Variants in CSMD1 observed in about 807,000 individuals in gnomAD.
The protein encoded by CSMD1 is CUB and Sushi multiple domains 1.
CSMD1 carries 213 observed loss-of-function variants against 417.5 expected under a neutral mutation model. The ratio of observed to expected loss-of-function variants is 0.51; its 90% CI spans 0.46 to 0.57. The LOEUF (loss-of-function observed/expected upper bound fraction) is 0.57, where lower values mean the gene tolerates loss of function less well. Ranked by LOEUF, CSMD1 falls within the 20% of genes least tolerant of loss-of-function variation. The pLI is 0.00. For synonymous variants in CSMD1, 2,862 were observed against 1,736.8 expected, an observed-to-expected ratio of 1.65 and a Z score of -16.11; for missense variants, 6,923 against 4,529.7, an observed-to-expected ratio of 1.53 and a Z score of -15.17.
intron 3 of CSMD1, among the ~76,000 whole-genome samples, chr8:4,256,484 G>A (rs1803463308): frequency 6.6e-6 from 1 of 152,162 alleles, no homozygotes; most frequent in African/African-American, 2.4e-5. Flanking sequence ...ACTGGTAAAG[G>A]GAGGTTCTCA....
intron 3 of CSMD1, among the ~76,000 whole-genome samples, chr8:4,147,799 G>T (rs1017980245): frequency 6.6e-6 from 1 of 152,044 alleles, no homozygotes; most frequent in Non-Finnish European, 1.5e-5. Flanking sequence ...CCAATGTGCC[G>T]ACTCCAAAGC....
At chr8:4,199,267 T>G (rs1006384230) in intron 3 of CSMD1, among the ~76,000 whole-genome samples, 4 of 152,216 alleles carry the variant, frequency 2.6e-5, no homozygotes, top group African/African-American at 9.6e-5. Context: ...AATTCATACA[T>G]CTTCTGCTAT....
intron 1 of CSMD1, among the ~76,000 whole-genome samples, chr8:4,755,478 C>T (rs1050710176): frequency 2.0e-5 from 3 of 152,024 alleles, no homozygotes; most frequent in Non-Finnish European, 4.4e-5. Context: ...CTATGATTGA[C>T]ATTTATTTTT....
intron 7 of CSMD1, among the ~76,000 whole-genome samples, chr8:3,636,367 G>A (rs985659569): frequency 6.6e-6 from 1 of 152,138 alleles, no homozygotes; most frequent in African/African-American, 2.4e-5. Context: ...TAGTAGAGAT[G>A]AGGGTTCTCC....
chr8:3,552,951 G>A lies in CSMD1; in HGVS notation c.1344+21994C>T, dbSNP rs530123804. Among the ~76,000 whole-genome samples, 5 of 152,186 alleles carry A rather than the reference G, an allele frequency of 3.3e-5. No homozygotes were observed. In the South Asian group the frequency reaches 6.2e-4, roughly 19 times the overall value. On this transcript the variant is annotated intron_variant, in intron 10 of 69. Transcript: ENST00000635120. ...GTTATAATTTTTGATAAAACACAGA[G>A]AAGATTTATATTTCAGAAATAGTTC... is the stretch of plus-strand genomic sequence containing the variant.
intron 1 of CSMD1, among the ~76,000 whole-genome samples, chr8:4,855,180 C>T (rs908482266): frequency 2.0e-5 from 3 of 150,082 alleles, no homozygotes; most frequent in Non-Finnish European, 4.4e-5. Context: ...GCAGGGTACT[C>T]CAACAGACCT....
intron 2 of CSMD1, among the ~76,000 whole-genome samples, chr8:4,575,538 A>G (rs190716587): frequency 4.9e-4 from 75 of 152,222 alleles, no homozygotes; most frequent in Admixed American, 4.0e-3. Context: ...AAGGGAGAGC[A>G]CCTCTTGGCC....
At position 4,988,716 on chromosome 8, in the gene CSMD1, T is replaced by G. The variant is rs115015616; in HGVS notation, c.85+5616A>C. On this transcript the variant is annotated intron_variant, in intron 1 of 69. Coordinates refer to ENST00000635120, the MANE Select transcript of CSMD1 (RefSeq NM_033225.6). ...ACTTCCCTAAAGCACTGATGGCATT[T>G]TCCTCTCCCATAAAGTACAGGTTGA... Among the ~76,000 whole-genome samples, 1,340 of 152,344 alleles carry G rather than the reference T, an allele frequency of 8.8e-3. 19 individuals are homozygous for G. The highest frequency in any genetic ancestry group is 0.031 in the African/African-American group (1,273 of 41,580).
At chr8:4,285,783 C>A (rs1439364799) in intron 3 of CSMD1, among the ~76,000 whole-genome samples, 1 of 152,184 alleles carries the variant, frequency 6.6e-6, no homozygotes, top group Non-Finnish European at 1.5e-5. Context: ...CATGCAGGCT[C>A]TGCTTCTTCT....
chr8:4,427,378 G>T (rs532570338), intron 2 of CSMD1, among the ~76,000 whole-genome samples: 51 of 152,044 alleles, frequency 3.4e-4, no homozygotes, highest in Non-Finnish European at 5.0e-4. Context: ...CTGGAACCAG[G>T]TGCTTTATCA....
chr8:3,995,163 G>T (rs924641910), intron 5 of CSMD1, among the ~76,000 whole-genome samples: 4 of 152,154 alleles, frequency 2.6e-5, no homozygotes, highest in Admixed American at 2.0e-4. Context: ...TTATGCATTT[G>T]TATAGGCCTT....
chr8:4,818,426 T>A (rs1233872138), intron 1 of CSMD1, among the ~76,000 whole-genome samples: 1 of 152,204 alleles, frequency 6.6e-6, no homozygotes, highest in East Asian at 1.9e-4. Flanking sequence ...TTCTTAACAT[T>A]CTGATTACAA....
intron 26 of CSMD1, among the ~76,000 whole-genome samples, chr8:3,258,777 T>C (rs1800843368): frequency 6.6e-6 from 1 of 152,202 alleles, no homozygotes; most frequent in South Asian, 2.1e-4. Flanking sequence ...AAGAATGAGA[T>C]CATGTCCTTT....
chr8:4,185,769 C>T (rs1403818397), intron 3 of CSMD1, among the ~76,000 whole-genome samples: 1 of 152,198 alleles, frequency 6.6e-6, no homozygotes, highest in African/African-American at 2.4e-5. Context: ...AAAATATCCC[C>T]TACCAGTGGA....
intron 49 of CSMD1, among the ~76,000 whole-genome samples, chr8:3,086,007 G>T (rs1440604250): frequency 6.6e-6 from 1 of 152,152 alleles, no homozygotes. Flanking sequence ...TGTCCAGGCT[G>T]CCGTTTGGGC....
chr8:4,322,138 G>C (rs1000031624), intron 3 of CSMD1, among the ~76,000 whole-genome samples: 1 of 151,864 alleles, frequency 6.6e-6, no homozygotes. Context: ...TTTATCCTCC[G>C]ATTTCTTTAC....
At chr8:3,404,185 T>G (rs1178758118) in intron 15 of CSMD1, among the ~76,000 whole-genome samples, 1 of 152,044 alleles carries the variant, frequency 6.6e-6, no homozygotes, top group Non-Finnish European at 1.5e-5. Flanking sequence ...AATACAAAAA[T>G]TAGCCAGGCG....
chr8:4,762,971 G>A (rs1274770291), intron 1 of CSMD1, among the ~76,000 whole-genome samples: 6 of 152,124 alleles, frequency 3.9e-5, no homozygotes, highest in Admixed American at 2.6e-4. Context: ...ATCTGGTGGC[G>A]TGTGGGAGGA....
At chr8:3,439,122 C>CAAAAAAAAAAA (rs1158997352) in intron 12 of CSMD1, among the ~76,000 whole-genome samples, 1 of 2,494 alleles carries the variant, frequency 4.0e-4, no homozygotes, top group Non-Finnish European at 5.7e-4. Context: ...GACTCCATCT[C>CAAAAAAAAAAA]AAAAAAAAAA....
Sources: allele counts gnomAD v4.1 joint callset (sites outside exome capture counted in the v4.1 genomes callset), GRCh38; gene constraint gnomAD v4.1.1; transcripts MANE v1.5; gene names NCBI Gene and HGNC (gene_info 2026-07-23, HGNC 2026-07-21).